Variants in IPCEF1 observed in about 807,000 individuals in gnomAD.
IPCEF1 encodes interactor protein for cytohesin exchange factors 1.
Under a neutral mutation model 50.9 loss-of-function variants are expected in IPCEF1, and 31 were observed. The ratio of observed to expected loss-of-function variants is 0.61; its 90% CI spans 0.46 to 0.82. The LOEUF (loss-of-function observed/expected upper bound fraction) is 0.82. Ranked by LOEUF, IPCEF1 falls within the 40% of genes least tolerant of loss-of-function variation. The pLI is 0.00. For synonymous variants in IPCEF1, 181 were observed against 192.0 expected (o/e 0.94, Z 0.47); for missense variants, 458 against 514.0 (o/e 0.89, Z 1.05).
chr6:154,221,656 G>A (rs528275862), intron 6 of IPCEF1, among the ~76,000 whole-genome samples: 1 of 152,072 alleles, frequency 6.6e-6, no homozygotes, highest in South Asian at 2.1e-4. Context: ...GGCAGATCAC[G>A]AGGTCAGGAG....
At chr6:154,224,727 CAA>C (rs976408216) in intron 5 of IPCEF1, among the ~76,000 whole-genome samples, 2 of 151,312 alleles carry the variant, frequency 1.3e-5, no homozygotes, top group African/African-American at 4.9e-5. Flanking sequence ...AACAAACAAA[CAA>C]AAAAAAGAGA....
chr6:154,200,446 T>A (rs1213901315), intron 9 of IPCEF1, among the ~76,000 whole-genome samples: 1 of 152,132 alleles, frequency 6.6e-6, no homozygotes, highest in East Asian at 1.9e-4. Flanking sequence ...AGAGGCTGGG[T>A]GCGATGGCTC....
At chr6:154,181,027 CA>C (rs1800826636) in intron 10 of IPCEF1, among the ~76,000 whole-genome samples, 1 of 152,100 alleles carries the variant, frequency 6.6e-6, no homozygotes, top group Non-Finnish European at 1.5e-5. Context: ...TAAAGGTATG[CA>C]AAACCTTAAA....
intron 5 of IPCEF1, among the ~76,000 whole-genome samples, chr6:154,243,886 T>A (rs191608754): frequency 5.3e-5 from 8 of 152,208 alleles, no homozygotes; most frequent in Admixed American, 5.2e-4. Context: ...TCAGGGTGAT[T>A]TTGAGGAGTA....
At chr6:154,242,839 G>A (rs1367043610) in intron 5 of IPCEF1, among the ~76,000 whole-genome samples, 1 of 152,064 alleles carries the variant, frequency 6.6e-6, no homozygotes, top group East Asian at 1.9e-4. Context: ...AGTGAGCCGA[G>A]ATAACACCAT....
chr6:154,279,429 C>T (rs1782153033), intron 2 of IPCEF1, among the ~76,000 whole-genome samples: 2 of 152,140 alleles, frequency 1.3e-5, no homozygotes, highest in South Asian at 4.1e-4. Context: ...CTTTGCCATT[C>T]GTTATCTTCA....
chr6:154,356,323 G>C (rs187597489), intron 1 of IPCEF1, among the ~76,000 whole-genome samples: 1 of 152,300 alleles, frequency 6.6e-6, no homozygotes, highest in Non-Finnish European at 1.5e-5. Flanking sequence ...GGCGGCCCCA[G>C]AGTGCTTCCC....
intron 1 of IPCEF1, among the ~76,000 whole-genome samples, chr6:154,320,062 C>T (rs961773949): frequency 6.6e-6 from 1 of 152,132 alleles, no homozygotes. Flanking sequence ...TTGCTATTGT[C>T]TAACTTTTAT....
intron 1 of IPCEF1, among the ~76,000 whole-genome samples, chr6:154,302,519 G>A (rs1782822620): frequency 6.6e-6 from 1 of 152,082 alleles, no homozygotes; most frequent in South Asian, 2.1e-4. Flanking sequence ...GTGTCTCCCA[G>A]GATGGAGTGC....
At chr6:154,288,378 G>A (rs1178498769) in intron 2 of IPCEF1, among the ~76,000 whole-genome samples, 1 of 152,074 alleles carries the variant, frequency 6.6e-6, no homozygotes, top group Admixed American at 6.5e-5. Context: ...AGATAACTGT[G>A]GGCGGCCGGG....
chr6:154,241,253 A>AG (rs1554298018), intron 5 of IPCEF1, among the ~76,000 whole-genome samples: 4 of 150,662 alleles, frequency 2.7e-5, no homozygotes, highest in African/African-American at 7.3e-5. Context: ...AAAAAAAAAA[A>AG]AGAGAGAGAG....
At chr6:154,297,458 T>C (rs987443011) in intron 1 of IPCEF1, among the ~76,000 whole-genome samples, 1 of 152,234 alleles carries the variant, frequency 6.6e-6, no homozygotes, top group African/African-American at 2.4e-5. Context: ...GGCAATGCTA[T>C]TGGGCAGCCT....
intron 4 of IPCEF1, chr6:154,247,014 A>G: frequency 2.3e-6 from 1 of 440,866 alleles, no homozygotes; most frequent in Non-Finnish European, 4.0e-6. Context: ...AGATACGGCC[A>G]AAGAAACAGC....
intron 9 of IPCEF1, among the ~76,000 whole-genome samples, chr6:154,211,080 A>G (rs540394015): frequency 3.2e-4 from 49 of 152,176 alleles, no homozygotes; most frequent in Non-Finnish European, 6.2e-4. Context: ...AGAACTTGCC[A>G]TCATTTGGGT....
At chr6:154,199,044 TA>T (rs1389140078) in intron 10 of IPCEF1, among the ~76,000 whole-genome samples, 1 of 152,248 alleles carries the variant, frequency 6.6e-6, no homozygotes, top group Non-Finnish European at 1.5e-5. Context: ...GAGTATTTTT[TA>T]AACCTCATAT....
At chr6:154,180,410 A>ATTTT (rs1203931756) in intron 10 of IPCEF1, among the ~76,000 whole-genome samples, 20 of 40,412 alleles carry the variant, frequency 4.9e-4, no homozygotes, top group African/African-American at 1.0e-3. Context: ...ATATATATAT[A>ATTTT]TATATTTTTT....
intron 5 of IPCEF1, among the ~76,000 whole-genome samples, chr6:154,226,358 C>T (rs1779252115): frequency 6.6e-6 from 1 of 152,202 alleles, no homozygotes; most frequent in Non-Finnish European, 1.5e-5. Context: ...GTAACAAATT[C>T]AAAATCAAAC....
At chr6:154,302,494 GA>G (rs937459613) in intron 1 of IPCEF1, among the ~76,000 whole-genome samples, 3 of 151,982 alleles carry the variant, frequency 2.0e-5, no homozygotes, top group Non-Finnish European at 4.4e-5. Context: ...TTTAGTGGGG[GA>G]AGGGGGTTTT....
chr6:154,294,347 A>G (rs1449210976), intron 1 of IPCEF1, among the ~76,000 whole-genome samples: 1 of 152,228 alleles, frequency 6.6e-6, no homozygotes, highest in Non-Finnish European at 1.5e-5. Flanking sequence ...AACCACTTGA[A>G]AATAAGTAGA....
Sources: allele counts gnomAD v4.1 joint callset (sites outside exome capture counted in the v4.1 genomes callset), GRCh38; gene constraint gnomAD v4.1.1; transcripts MANE v1.5; gene names NCBI Gene and HGNC (gene_info 2026-07-23, HGNC 2026-07-21).